SH2D3C: variants seen among roughly 807,000 people sequenced by gnomAD.
The protein encoded by SH2D3C is SH2 domain-containing protein 3C.
In SH2D3C, 25 loss-of-function variants were observed where a neutral mutation model predicts 75.2. The observed-to-expected ratio is 0.33, with a 90% confidence interval of 0.24 to 0.46. SH2D3C has a LOEUF of 0.46. Among genes scored for constraint, SH2D3C ranks in the 20% least tolerant of loss-of-function variants. The pLI is 1.00. For synonymous variants in SH2D3C, 450 were observed against 473.7 expected (o/e 0.95, Z 0.65); for missense variants, 933 against 1,165.3 (o/e 0.80, Z 2.90).
chr9:127,750,520 G>A (rs968493457), intron 4 of SH2D3C, among the ~76,000 whole-genome samples: 7 of 152,028 alleles, frequency 4.6e-5, no homozygotes, highest in South Asian at 2.1e-4. Flanking sequence ...CTCGGGACTC[G>A]CCCATATTCT....
chr9:127,757,026 C>A (rs1845400322), intron 3 of SH2D3C, among the ~76,000 whole-genome samples: 1 of 150,930 alleles, frequency 6.6e-6, no homozygotes, highest in Non-Finnish European at 1.5e-5. Flanking sequence ...GCCGCCTGGG[C>A]TCAAGCAATT....
At position 127,745,071 on chromosome 9, in the gene SH2D3C, G is replaced by T; in HGVS notation, c.1293C>A (p.Ala431=). ...TVTRVHAAPA[A]PSATALPASP... is the part of the protein sequence containing the mutation. ...AGGCAGGCAATGCTGTGGCAGAAGG[G>T]GCTGCAGGGGCGGCATGGACACGGG... is the stretch of plus-strand genomic sequence containing the variant. Residue 431 remains alanine (A), a synonymous_variant, in exon 7 of 12, where the codon GCC becomes GCA. Transcript: ENST00000314830. The T allele has an allele frequency of 6.6e-7, 1 of 1,507,808 alleles. No homozygotes were observed. The allele number at this position is 1,507,808 out of a possible 1,614,324, so 93.4% of individuals were successfully genotyped here.
At chr9:127,777,853 G>A (rs1829052540) in intron 1 of SH2D3C, among the ~76,000 whole-genome samples, 1 of 151,668 alleles carries the variant, frequency 6.6e-6, no homozygotes, top group Non-Finnish European at 1.5e-5. Flanking sequence ...GACAGTGATG[G>A]ACAAAGAGAA....
At chr9:127,741,989 G>A in intron 8 of SH2D3C, 30 bp from the exon 9 acceptor site, 1 of 1,578,596 alleles carries the variant, frequency 6.3e-7, no homozygotes. Flanking sequence ...AGAGGCGGCG[G>A]GCTCGGGGAC....
intron 2 of SH2D3C, chr9:127,771,066 GA>G: frequency 1.4e-6 from 1 of 713,740 alleles, no homozygotes; most frequent in Non-Finnish European, 2.2e-6. Flanking sequence ...AACTGGCTTA[GA>G]AAAGTCCCTG....
At chr9:127,771,709 G>A (rs1845743069) in intron 2 of SH2D3C, among the ~76,000 whole-genome samples, 1 of 152,036 alleles carries the variant, frequency 6.6e-6, no homozygotes. Context: ...CTCATACCTT[G>A]GGGTGTCTTA....
rs1564419842 is a variant in SH2D3C at position 127,757,635 on chromosome 9, TGATGATG to T, written c.555+3969_555+3975del. On this transcript the variant is annotated intron_variant, in intron 3 of 11. Transcript: ENST00000314830. ...ATGATGATGATGATGATGATGATGA[TGATGATG>T]ATGATTATTATTATTATTATTATTA... Among the ~76,000 whole-genome samples, 753 of 109,116 alleles carry T rather than the reference TGATGATG, an allele frequency of 6.9e-3. 5 individuals are homozygous for T. Among genetic ancestry groups the T allele is most frequent in the African/African-American group, 6.8e-3 (207 of 30,634 alleles). The allele number at this position is 109,116 out of a possible 152,430, so 71.6% of individuals were successfully genotyped here.
chr9:127,752,933 A>G (rs1434549866), intron 3 of SH2D3C, among the ~76,000 whole-genome samples: 1 of 152,122 alleles, frequency 6.6e-6, no homozygotes, highest in African/African-American at 2.4e-5. Context: ...TGAGGTCTGA[A>G]GGACTGGGTG....
intron 2 of SH2D3C, chr9:127,771,324 G>A (rs951734456): frequency 3.5e-6 from 5 of 1,422,246 alleles, no homozygotes; most frequent in Non-Finnish European, 4.6e-6. Context: ...CTCAGTGCCG[G>A]ACTCCGGGGG....
chr9:127,755,037 C>A (rs1199267322), intron 3 of SH2D3C: 2 of 1,025,426 alleles, frequency 2.0e-6, no homozygotes, highest in Non-Finnish European at 2.4e-6. Context: ...GGCCGGGGGT[C>A]CCAGCCCGGC....
chr9:127,764,801 G>A (rs1300661666), intron 2 of SH2D3C, among the ~76,000 whole-genome samples: 10 of 152,110 alleles, frequency 6.6e-5, no homozygotes, highest in Admixed American at 5.9e-4. Flanking sequence ...TCCGCCTCCC[G>A]TGTCCAAGCG....
chr9:127,745,170 C>A, intron 6 of SH2D3C, 71 bp from the exon 7 acceptor site: 1 of 1,301,760 alleles, frequency 7.7e-7, no homozygotes, highest in Non-Finnish European at 1.0e-6. Context: ...GCACCCCTTC[C>A]CAAAGAACAG....
intron 7 of SH2D3C, among the ~76,000 whole-genome samples, chr9:127,743,402 T>C (rs35000896): frequency 0.057 from 8,692 of 152,080 alleles, 333 homozygotes; most frequent in Middle Eastern, 0.11. Context: ...ACTCGGGAGG[T>C]TGGGGCAGGA....
chr9:127,747,366 G>A (rs1350210922), intron 5 of SH2D3C, 95 bp from the exon 6 acceptor site: 2 of 1,183,956 alleles, frequency 1.7e-6, no homozygotes, highest in Non-Finnish European at 2.3e-6. Context: ...GAACTTCAGA[G>A]GCAGAGAAGG....
chr9:127,762,097 G>A (rs1845542030), intron 2 of SH2D3C: 1 of 626,974 alleles, frequency 1.6e-6, no homozygotes, highest in African/African-American at 2.1e-5. Flanking sequence ...AGGGCCCCAA[G>A]TGGGGATCAG....
chr9:127,773,264 T>C (rs371734422), intron 2 of SH2D3C, among the ~76,000 whole-genome samples: 1 of 152,094 alleles, frequency 6.6e-6, no homozygotes, highest in African/African-American at 2.4e-5. Context: ...TGACAAATGG[T>C]TTTCTAGACT....
intron 8 of SH2D3C, chr9:127,742,552 A>G: frequency 3.1e-6 from 1 of 322,052 alleles, no homozygotes; most frequent in South Asian, 5.4e-5. Context: ...GAGCAGTTTT[A>G]AGAACGAACA....
rs1254331093 is a variant in SH2D3C, at chr9:127,738,669, G to A, written c.*77C>T. ...TTCTCGGGTTGATCACAGTGTCCTT[G>A]GGGTGCTCTGGGGAAAGTTGTGTGC... On this transcript the variant is annotated 3_prime_UTR_variant, in exon 12 of 12. Transcript: ENST00000314830. The surrounding 1 kb of genome is among the most constrained non-coding windows in gnomAD (Gnocchi z 5.0). 7.1e-7 allele frequency: 1 copy of A among 1,413,920 alleles called. No homozygotes were observed. The highest frequency in any genetic ancestry group is 2.4e-5 in the Admixed American group (1 of 41,582). 87.6% of individuals were successfully genotyped at this position (1,413,920 alleles called of 1,614,324 possible). A position where few individuals can be genotyped will look rare whatever the true frequency, so the allele number is the denominator to read the frequency against.
In SH2D3C at chr9:127,744,914, G is replaced by A. The variant is rs776110834; in HGVS notation, c.1450C>T (p.Leu484Phe). 1.1e-5 allele frequency: 18 copies of A among 1,605,664 alleles called. No individual in the cohort carries two copies. Among genetic ancestry groups the A allele is most frequent in the Non-Finnish European group, 5.1e-6 (6 of 1,174,484 alleles). ...TLGKASPSPS[L>F]SSYSDPDSGH... ...GAGTCCGGGTCACTGTAGCTGCTGA[G>A]TGATGGTGACGGGGAGGCCTTGCCA... The change falls in exon 7 of 12, where the codon CTC becomes TTC. Residue 484 changes from leucine to phenylalanine, a missense_variant. By Grantham distance (22) the Leu-to-Phe change is conservative. Transcript: ENST00000314830.
Sources: gnomAD v4.1 joint callset for allele counts (sites outside exome capture counted in the v4.1 genomes callset) on GRCh38, gnomAD v4.1.1 for gene constraint, Gnocchi (gnomAD v3.1) non-coding constraint, MANE v1.5 for transcripts, NCBI Gene and HGNC (gene_info 2026-07-23, HGNC 2026-07-21) for gene names.